Variants in GPC3 observed in about 807,000 individuals in gnomAD.
GPC3 encodes the protein glypican-3.
In GPC3, 3 loss-of-function variants were observed where a neutral mutation model predicts 34.4. The observed-to-expected ratio is 0.09, with a 90% CI of 0.04 to 0.23. The LOEUF (loss-of-function observed/expected upper bound fraction) is 0.23. Among genes scored for constraint, GPC3 ranks in the 10% least tolerant of loss-of-function variants. The probability of loss-of-function intolerance (pLI) is 1.00; values close to 1 mark genes in which losing one functional copy is unlikely to be tolerated. For missense variants in GPC3, 351 were observed against 445.6 expected (o/e 0.79, Z 1.91); for synonymous variants, 177 against 174.0 (o/e 1.02, Z -0.13).
At chrX:133,671,249 C>T (rs15429) in intron 5 of GPC3, 1 of 1,084,666 alleles carries the variant, frequency 9.2e-7, no homozygotes, top group African/African-American at 1.8e-5. Context: ...TGAACCCAAA[C>T]ATAGACTTGC....
intron 7 of GPC3, among the ~76,000 whole-genome samples, chrX:133,576,971 G>A (rs896506016): frequency 9.0e-6 from 1 of 110,770 alleles, no homozygotes; most frequent in Non-Finnish European, 1.9e-5. Flanking sequence ...TGTTCCAGAG[G>A]ACACTATGGG....
At chrX:133,821,947 T>C (rs966370083) in intron 2 of GPC3, among the ~76,000 whole-genome samples, 8 of 111,897 alleles carry the variant, frequency 7.1e-5, no homozygotes, top group Non-Finnish European at 1.3e-4. Flanking sequence ...GATAACGGTA[T>C]ACTGCAGAGT....
intron 2 of GPC3, among the ~76,000 whole-genome samples, chrX:133,761,005 C>T (rs2071784123): frequency 9.1e-6 from 1 of 110,181 alleles, no homozygotes; most frequent in African/African-American, 3.3e-5. Flanking sequence ...TGGAAATTAG[C>T]CCTTGATGGA....
In GPC3 at chrX:133,638,553, T is replaced by C. The variant is rs1261108668; in HGVS notation, c.1413+23177A>G. Among the ~76,000 whole-genome samples, 2 of 111,941 alleles carry C rather than the reference T, an allele frequency of 1.8e-5. 1 individual carries two copies. The highest frequency in any genetic ancestry group is 6.5e-5 in the African/African-American group (2 of 30,771). The stretch of plus-strand genomic sequence containing the variant: ...TGCATCCACTCTTGGCTGGTGCCCA[T>C]GTACACTGCATCATACAATACGTAG... On this transcript the variant is annotated intron_variant, in intron 6 of 7. Coordinates refer to ENST00000370818, the MANE Select transcript of GPC3 (RefSeq NM_004484.4).
chrX:133,965,796 C>T (rs747353448), intron 1 of GPC3, among the ~76,000 whole-genome samples: 3 of 111,539 alleles, frequency 2.7e-5, no homozygotes, highest in East Asian at 2.8e-4. Context: ...CATTTCATCA[C>T]GTGTTGTCTT....
rs1310478920 is a variant in GPC3, at chrX:133,549,213, C to T, written c.1574-12920G>A. Reference sequence around the variant, plus strand: ...CATTTCTCCTCTTTCCTTCAGCTTCCCCACCACCGCCACCCACAGTCCTCA... The same window carrying T: ...CATTTCTCCTCTTTCCTTCAGCTTCTCCACCACCGCCACCCACAGTCCTCA... On this transcript the variant is annotated intron_variant, in intron 7 of 7. Transcript: ENST00000370818. Among the ~76,000 whole-genome samples, 4 of 111,057 alleles carry T rather than the reference C, an allele frequency of 3.6e-5. No individual in the cohort carries two copies. In the East Asian group the frequency reaches 1.1e-3, roughly 32 times the overall value.
chrX:133,578,015 C>T (rs2069702359), intron 7 of GPC3, among the ~76,000 whole-genome samples: 1 of 112,078 alleles, frequency 8.9e-6, no homozygotes, highest in Admixed American at 9.5e-5. Context: ...AATAATGGTA[C>T]CCACACCACA....
intron 7 of GPC3, among the ~76,000 whole-genome samples, chrX:133,575,515 C>T (rs781263686): frequency 2.7e-5 from 3 of 111,704 alleles, no homozygotes; most frequent in Non-Finnish European, 3.8e-5. Flanking sequence ...TAGGGATGAG[C>T]GGAAGGGATA....
chrX:133,682,655 G>A (rs1244965936), intron 5 of GPC3, among the ~76,000 whole-genome samples: 1 of 111,695 alleles, frequency 9.0e-6, no homozygotes, highest in African/African-American at 3.3e-5. Context: ...CACAGCTGGT[G>A]TCTGAACTAG....
At chrX:133,825,310 G>A (rs957718399) in intron 2 of GPC3, among the ~76,000 whole-genome samples, 2 of 112,075 alleles carry the variant, frequency 1.8e-5, no homozygotes, top group Non-Finnish European at 3.8e-5. Context: ...CAGTTCTGCA[G>A]TAGCCTTGAA....
chrX:133,581,035 G>A (rs994175744), intron 7 of GPC3, among the ~76,000 whole-genome samples: 23 of 112,187 alleles, frequency 2.1e-4, no homozygotes, highest in Admixed American at 7.6e-4. Flanking sequence ...ACCGGCACAC[G>A]GTATACATTT....
At chrX:133,725,982 T>G (rs1170770317) in intron 3 of GPC3, among the ~76,000 whole-genome samples, 1 of 111,919 alleles carries the variant, frequency 8.9e-6, no homozygotes, top group African/African-American at 3.2e-5. Flanking sequence ...TGAAATCACA[T>G]ATATCTAGAT....
At chrX:133,824,697 G>C (rs2075737375) in intron 2 of GPC3, among the ~76,000 whole-genome samples, 1 of 110,476 alleles carries the variant, frequency 9.1e-6, no homozygotes, top group African/African-American at 3.3e-5. Flanking sequence ...ATATTAAATT[G>C]TACCCCATAA....
chrX:133,830,678 C>CAAAAAAAAAAAAA (rs1174232524), intron 2 of GPC3, among the ~76,000 whole-genome samples: 1 of 13,439 alleles, frequency 7.4e-5, no homozygotes, highest in Non-Finnish European at 2.4e-4. Flanking sequence ...GACTCCATCT[C>CAAAAAAAAAAAAA]AAAAAAAAAA....
At chrX:133,659,474 G>A (rs1603214418) in intron 6 of GPC3, among the ~76,000 whole-genome samples, 1 of 111,565 alleles carries the variant, frequency 9.0e-6, no homozygotes, top group African/African-American at 3.3e-5. Flanking sequence ...ATTGCTTATG[G>A]CAGATCTTAA....
At chrX:133,589,483 T>C (rs765543522) in intron 7 of GPC3, among the ~76,000 whole-genome samples, 1 of 111,339 alleles carries the variant, frequency 9.0e-6, no homozygotes, top group South Asian at 3.9e-4. Flanking sequence ...TTCAAGCCAT[T>C]CTCCTCCCTC....
chrX:133,962,297 A>G (rs2076444918), intron 1 of GPC3, among the ~76,000 whole-genome samples: 1 of 112,054 alleles, frequency 8.9e-6, no homozygotes, highest in Non-Finnish European at 1.9e-5. Flanking sequence ...TTATATATGC[A>G]TGCCTTATTT....
chrX:133,617,004 T>A (rs1391246271), intron 6 of GPC3, among the ~76,000 whole-genome samples: 1 of 111,602 alleles, frequency 9.0e-6, no homozygotes. Flanking sequence ...AGCCTAGAAA[T>A]TGATTTTTGA....
At chrX:133,953,233 T>C in intron 1 of GPC3, 22 bp from the exon 2 acceptor site, 1 of 1,196,208 alleles carries the variant, frequency 8.4e-7, no homozygotes, top group Non-Finnish European at 1.1e-6. Flanking sequence ...AAGGTTTTCA[T>C]GTTTCAGTAA....
Sources: gnomAD v4.1 joint callset for allele counts (sites outside exome capture counted in the v4.1 genomes callset) on GRCh38, gnomAD v4.1.1 for gene constraint, MANE v1.5 for transcripts, NCBI Gene and HGNC (gene_info 2026-07-23, HGNC 2026-07-21) for gene names.